TTN: variants seen among roughly 807,000 people sequenced by gnomAD.
TTN encodes the protein connectin.
A neutral mutation model predicts 3,223.0 loss-of-function variants in TTN; 1,525 were observed. That is an observed-to-expected ratio of 0.47 (90% CI 0.45 to 0.49). The LOEUF (loss-of-function observed/expected upper bound fraction) is 0.49. Among genes scored for constraint, TTN ranks in the 20% least tolerant of loss-of-function variants. The pLI, the probability that TTN is intolerant of heterozygous loss-of-function variation, is 0.00. For missense variants in TTN, 40,786 were observed against 43,424.0 expected (o/e 0.94, Z 5.40); for synonymous variants, 14,094 against 15,161.0 (o/e 0.93, Z 5.17).
intron 281 of TTN, 148 bp from the exon 282 acceptor site, chr2:178,604,453 A>G (rs2054267703): frequency 1.3e-6 from 1 of 777,892 alleles, no homozygotes; most frequent in South Asian, 3.3e-5. Flanking sequence ...AGAAAAGGAG[A>G]AAGCTTTTTT....
rs780885076 is a variant in TTN, at chr2:178,565,350, C to T, written c.80782G>A (p.Val26928Ile). The T allele has an allele frequency of 1.2e-5, 19 of 1,613,490 alleles. No homozygotes were observed. Among genetic ancestry groups the T allele is most frequent in the South Asian group, 5.5e-5 (5 of 91,064 alleles). The change falls in exon 326 of 363, where the codon GTT becomes ATT. Residue 26928 changes from valine to isoleucine, a missense_variant. Physicochemically the swap from Val to Ile is conservative, Grantham distance 29 (BLOSUM62 3). Transcript: ENST00000589042. Reference sequence around the variant, plus strand: ...ACAGTTGAGGTAGCTGTTTCTTCAACGTTTACTCTTGTTGTCTGTTTAAGA... The same window carrying T: ...ACAGTTGAGGTAGCTGTTTCTTCAATGTTTACTCTTGTTGTCTGTTTAAGA... ...EPLKQTTRVN[V>I]EETATSTVLH...
intron 256 of TTN, 29 bp from the exon 257 acceptor site, chr2:178,616,659 GT>G (rs766148927): frequency 6.2e-7 from 1 of 1,612,072 alleles, no homozygotes; most frequent in Admixed American, 1.7e-5. Context: ...ACGAGTCACT[GT>G]TAATAGTCTG....
In TTN at chr2:178,756,222, C is replaced by A; in HGVS notation, c.11254G>T (p.Ala3752Ser). Residue 3752 changes from alanine to serine, a missense_variant and splice_region_variant, in exon 46 of 363, where the codon GCT becomes TCT. Coordinates refer to ENST00000589042, the MANE Select transcript of TTN (RefSeq NM_001267550.2). ...TTSAVLSVEG[A>S]PESILHERIE... Reference sequence around the variant, plus strand: ...AAGTCATAGCTAAAAATCAATTAACCACCTTCTACACTTAGTACTGCTGAC... The same window carrying A: ...AAGTCATAGCTAAAAATCAATTAACAACCTTCTACACTTAGTACTGCTGAC... The A allele has an allele frequency of 1.9e-6, 3 of 1,587,916 alleles. No individual in the cohort carries two copies. The South Asian group carries it at 3.4e-5, about 18-fold the overall frequency.
intron 17 of TTN, 124 bp from the exon 18 acceptor site, chr2:178,783,188 G>A: frequency 2.0e-6 from 2 of 984,768 alleles, no homozygotes; most frequent in South Asian, 2.8e-5. Flanking sequence ...TTTTAATCAG[G>A]ACTCCAGAAA....
At position 178,540,177 on chromosome 2, in the gene TTN, T is replaced by A; in HGVS notation, c.97989A>T (p.Thr32663=). 6.2e-7 allele frequency: 1 copy of A among 1,613,822 alleles called. No individual in the cohort carries two copies. ...TGTATTCTGCACCCTGAGGTAGGTG[T>A]GTTAGAGTATACTCTCGAATCTTGG... is the stretch of plus-strand genomic sequence containing the variant. The part of the protein sequence containing the change: ...TPTKIREYTL[T]HLPQGAEYRF... The change falls in exon 351 of 363, where the codon ACA becomes ACT. Residue 32663 remains threonine (T), a synonymous_variant. Transcript: ENST00000589042.
Position 178,609,580 on chromosome 2 carries a change from T to A in TTN, c.51740-10A>T, listed in dbSNP as rs776199419. 1 of 1,578,544 alleles carries A rather than the reference T, an allele frequency of 6.3e-7. No individual in the cohort carries two copies. The highest frequency in any genetic ancestry group is 8.6e-7 in the Non-Finnish European group (1 of 1,163,530). On this transcript the variant is annotated splice_polypyrimidine_tract_variant and intron_variant, in intron 272 of 362. Coordinates refer to ENST00000589042, the MANE Select transcript of TTN (RefSeq NM_001267550.2). The stretch of plus-strand genomic sequence containing the variant: ...ATGACTTTGGGGGCATCTATAGTGA[T>A]CATAACCAATAAATGTTTTCAATTC...
Position 178,605,528 on chromosome 2 carries a change from G to A in TTN, c.53767C>T (p.Leu17923=). The A allele has an allele frequency of 6.2e-7, 1 of 1,612,428 alleles. No homozygotes were observed. The highest frequency in any genetic ancestry group is 8.5e-7 in the Non-Finnish European group (1 of 1,178,904). The change falls in exon 279 of 363, where the codon CTG becomes TTG. Residue 17923 remains leucine (L), a synonymous_variant. Coordinates refer to ENST00000589042, the MANE Select transcript of TTN (RefSeq NM_001267550.2). The part of the protein sequence containing the change: ...NKRLCPTTSF[L]VENLDEHQMY... Reference sequence around the variant, plus strand: ...TGGTGTTCATCAAGATTTTCAACCAGAAAAGATGTGGTTGGGCAGAGTCGC... The same window carrying A: ...TGGTGTTCATCAAGATTTTCAACCAAAAAAGATGTGGTTGGGCAGAGTCGC...
In TTN at chr2:178,688,167, A is replaced by G; in HGVS notation, c.32255T>C (p.Val10752Ala). The change falls in exon 127 of 363, where the codon GTT becomes GCT. Residue 10752 changes from valine to alanine, a missense_variant. By Grantham distance (64) the Val-to-Ala change is moderately conservative. Transcript: ENST00000589042. ...SEEEEGVSIS[V>A]YREEEREEEE... is the part of the protein sequence containing the mutation. ...CTCCTCTCTTTCTTCTTCTCTATAA[A>G]CTGAAATGGACACACCTTCCTCCTC... is the stretch of plus-strand genomic sequence containing the variant. The G allele has an allele frequency of 1.9e-6, 3 of 1,612,966 alleles. No individual in the cohort carries two copies. Among genetic ancestry groups the G allele is most frequent in the South Asian group, 1.1e-5 (1 of 91,076 alleles).
chr2:178,583,737 G>C lies in TTN; in HGVS notation c.65445C>G (p.Pro21815=). Residue 21815 remains proline, a synonymous_variant, in exon 312 of 363, where the codon CCC becomes CCG. Coordinates refer to ENST00000589042, the MANE Select transcript of TTN (RefSeq NM_001267550.2). ...GGCCAGTAGCTGTGTACTCTTCCTG[G>C]GGAATCTGGTGAGGTGCAGTATTGC... ...VRCNTAPHQI[P]QEEYTATGLE... is the part of the protein sequence containing the mutation. 2 of 1,612,198 alleles carry C rather than the reference G, an allele frequency of 1.2e-6. No homozygotes were observed. Among genetic ancestry groups the C allele is most frequent in the Non-Finnish European group, 1.7e-6 (2 of 1,179,096 alleles).
Position 178,588,028 on chromosome 2 carries a change from G to A in TTN, c.63379C>T (p.Arg21127Cys), listed in dbSNP as rs751590336. ...KRCNAAAQLV[R>C]KEFTVTSLDE... ...AAGCTGGTAACAGTGAATTCCTTGC[G>A]TACAAGCTGTGCTGCAGCATTACAC... Residue 21127 changes from arginine (R) to cysteine (C), a missense_variant, in exon 305 of 363, where the codon CGC (arginine) becomes TGC (cysteine). By Grantham distance (180) the Arg-to-Cys change is radical (BLOSUM62 -3). Coordinates refer to ENST00000589042, the MANE Select transcript of TTN (RefSeq NM_001267550.2). 6.8e-6 allele frequency: 11 copies of A among 1,612,902 alleles called. No homozygotes were observed. Among genetic ancestry groups the A allele is most frequent in the Admixed American group, 1.7e-5 (1 of 59,956 alleles).
At chr2:178,652,774 G>A (rs1489648443) in intron 200 of TTN, 38 bp from the exon 201 acceptor site, 2 of 1,606,100 alleles carry the variant, frequency 1.2e-6, no homozygotes, top group Middle Eastern at 1.7e-4. Context: ...TAGGGGTTAT[G>A]AAGACCACTA....
At position 178,580,465 on chromosome 2, in the gene TTN, C is replaced by G; in HGVS notation, c.66914G>C (p.Arg22305Thr). 6.2e-7 allele frequency: 1 copy of G among 1,613,096 alleles called. No individual in the cohort carries two copies. Among genetic ancestry groups the G allele is most frequent in the Non-Finnish European group, 8.5e-7 (1 of 1,179,426 alleles). ...AGTTGACTTTATGTCCAGTCCAATC[C>G]TGTCTCTTAGATTGACATTTGGTTT... is the stretch of plus-strand genomic sequence containing the variant. ...WSKPNVNLRD[R>T]IGLDIKSTDF... The change falls in exon 317 of 363, where the codon AGG becomes ACG. Residue 22305 changes from arginine (R) to threonine (T), a missense_variant. Arg to Thr is a moderately conservative substitution (Grantham distance 71, BLOSUM62 -1). Transcript: ENST00000589042.
intron 34 of TTN, chr2:178,770,900 T>A (rs2091380202): frequency 1.2e-6 from 1 of 810,808 alleles, no homozygotes; most frequent in Admixed American, 1.7e-5. Context: ...TTTAGTAGTA[T>A]GAAGTTTGCA....
At chr2:178,618,513 AT>A (rs759213860) in intron 251 of TTN, 22 bp from the exon 252 acceptor site, 2 of 1,609,590 alleles carry the variant, frequency 1.2e-6, no homozygotes, top group Admixed American at 1.7e-5. Context: ...ATATAGAGGA[AT>A]TTTTTTAGTG....
In TTN at chr2:178,779,690, G is replaced by A. The variant is rs1343372230; in HGVS notation, c.3730-228C>T. ...AGCAGGAGTTAGATTTGGGTTAGAG[G>A]TTACATTAGCTTATCACACAGATGA... On this transcript the variant is annotated intron_variant, in intron 22 of 362. Coordinates refer to ENST00000589042, the MANE Select transcript of TTN (RefSeq NM_001267550.2). The A allele has an allele frequency of 9.3e-6, 5 of 537,880 alleles. No homozygotes were observed. The East Asian group carries it at 1.3e-4, about 14-fold the overall frequency. The allele number at this position is 537,880 out of a possible 1,614,324, so 33.3% of individuals were successfully genotyped here.
At chr2:178,732,752 G>A in intron 55 of TTN, 34 bp from the exon 56 acceptor site, 1 of 1,563,436 alleles carries the variant, frequency 6.4e-7, no homozygotes, top group Non-Finnish European at 8.6e-7. Context: ...ATTTCAAAGA[G>A]TTAAGAGGGT....
intron 292 of TTN, among the ~76,000 whole-genome samples, chr2:178,598,272 C>T (rs2052306715): frequency 6.6e-6 from 1 of 152,006 alleles, no homozygotes; most frequent in Non-Finnish European, 1.5e-5. Flanking sequence ...ATGATTAAAC[C>T]TTGATTTATT....
At chr2:178,606,940 T>A in intron 278 of TTN, 81 bp downstream of exon 278, 1 of 1,493,684 alleles carries the variant, frequency 6.7e-7, no homozygotes, top group Non-Finnish European at 9.0e-7. Context: ...CTGTTGGGAG[T>A]TTGAAGCCAT....
In TTN at chr2:178,567,777, T is replaced by C. The variant is rs1231026101; in HGVS notation, c.78355A>G (p.Met26119Val). Reference protein sequence around the residue: ...WTKPVYDGGSMITGYIVEKRD... With the variant: ...WTKPVYDGGSVITGYIVEKRD... The stretch of plus-strand genomic sequence containing the variant: ...TTCTCTACAATGTAGCCTGTAATCA[T>C]ACTTCCACCATCATACACAGGTTTG... Residue 26119 changes from methionine to valine, a missense_variant, in exon 326 of 363, where the codon ATG becomes GTG. Met to Val is a conservative substitution (Grantham distance 21). Transcript: ENST00000589042. The C allele has an allele frequency of 4.3e-6, 7 of 1,613,512 alleles. No homozygotes were observed. Among genetic ancestry groups the C allele is most frequent in the Non-Finnish European group, 5.1e-6 (6 of 1,179,588 alleles).
Sources: gnomAD v4.1 joint callset for allele counts (sites outside exome capture counted in the v4.1 genomes callset) on GRCh38, gnomAD v4.1.1 for gene constraint, MANE v1.5 for transcripts, NCBI Gene and HGNC (gene_info 2026-07-23, HGNC 2026-07-21) for gene names.